ZNF469: variants seen among roughly 807,000 people sequenced by gnomAD.
ZNF469 encodes zinc finger protein 469.
Under a neutral mutation model 1.0 loss-of-function variants are expected in ZNF469, and 1 was observed. The ratio of observed to expected loss-of-function variants is 1.00; its 90% CI spans 0.35 to 4.73. ZNF469 has a LOEUF of 4.73. ZNF469 is among the 30% of genes most tolerant of loss of function. The pLI is 0.16. For synonymous variants in ZNF469, 2,703 were observed against 2,363.4 expected (o/e 1.14, Z -4.17); for missense variants, 6,100 against 5,356.3 (o/e 1.14, Z -4.33).
At chr16:88,225,581 G>A in the ZNF469 span, among the ~76,000 whole-genome samples, 1 of 139,718 alleles carries the variant, frequency 7.2e-6, no homozygotes, top group African/African-American at 2.5e-5. Context: ...CTCTGCCGCA[G>A]CCTGTGTCTG....
chr16:88,173,718 T>A, the ZNF469 span, among the ~76,000 whole-genome samples: 1 of 152,214 alleles, frequency 6.6e-6, no homozygotes, highest in African/African-American at 2.4e-5. Flanking sequence ...GGAATGGAAG[T>A]ACACCACTCA....
At chr16:88,419,897 A>G (rs1005165361) in intron 1 of ZNF469, among the ~76,000 whole-genome samples, 4 of 152,230 alleles carry the variant, frequency 2.6e-5, no homozygotes, top group African/African-American at 7.2e-5. Context: ...GGCTCACGCA[A>G]TGCCCTCCTC....
chr16:88,353,870 T>G, the ZNF469 span, among the ~76,000 whole-genome samples: 1 of 152,112 alleles, frequency 6.6e-6, no homozygotes, highest in Non-Finnish European at 1.5e-5. Context: ...TCCTGGAGCT[T>G]CCGGAGGGAG....
At chr16:88,228,412 G>A in the ZNF469 span, among the ~76,000 whole-genome samples, 42 of 152,362 alleles carry the variant, frequency 2.8e-4, 1 homozygote, top group South Asian at 6.0e-3. Context: ...CACCTGCCCC[G>A]CAGGACTACT....
rs273585618 is a variant in ZNF469 at position 88,430,169 on chromosome 16, C to T, written c.2699C>T (p.Pro900Leu). 889 of 1,548,864 alleles carry T rather than the reference C, an allele frequency of 5.7e-4. 4 individuals carry two copies. The highest frequency in any genetic ancestry group is 4.2e-4 in the South Asian group (35 of 84,032). The change falls in exon 3 of 3, where the codon CCG (proline) becomes CTG (leucine). Residue 900 changes from proline to leucine, a missense_variant. By Grantham distance (98) the Pro-to-Leu change is moderately conservative (BLOSUM62 -3). Coordinates refer to ENST00000565624, the MANE Select transcript of ZNF469 (RefSeq NM_001367624.2). ...GVTPESKAPPPLPAATPDPQT... is the reference protein window; with the variant it reads ...GVTPESKAPPLLPAATPDPQT... The stretch of plus-strand genomic sequence containing the variant: ...ACTCCAGAGAGCAAAGCTCCGCCCC[C>T]GCTCCCAGCAGCCACGCCGGACCCC...
the ZNF469 span, among the ~76,000 whole-genome samples, chr16:88,253,778 A>G: frequency 1.3e-5 from 2 of 152,150 alleles, no homozygotes. Flanking sequence ...ACCTCAAGCA[A>G]TCCTCCCACC....
At chr16:88,159,586 C>G in the ZNF469 span, among the ~76,000 whole-genome samples, 5 of 152,192 alleles carry the variant, frequency 3.3e-5, no homozygotes, top group African/African-American at 1.2e-4. Context: ...TCCCCGCATT[C>G]TCGTCTCTAA....
the ZNF469 span, among the ~76,000 whole-genome samples, chr16:88,339,008 C>T: frequency 3.0e-4 from 45 of 151,826 alleles, 1 homozygote; most frequent in Admixed American, 9.2e-4. Context: ...TGATAGTGTG[C>T]GTTCACTGCA....
the ZNF469 span, among the ~76,000 whole-genome samples, chr16:88,215,056 A>C: frequency 3.3e-3 from 497 of 152,186 alleles, 2 homozygotes; most frequent in African/African-American, 0.011. Flanking sequence ...ATAATCTTTA[A>C]TTCCATATTT....
At chr16:88,159,492 G>A in the ZNF469 span, among the ~76,000 whole-genome samples, 12 of 152,132 alleles carry the variant, frequency 7.9e-5, no homozygotes, top group African/African-American at 1.9e-4. Context: ...AGCGCTTCAG[G>A]GATCTGGGAA....
the ZNF469 span, among the ~76,000 whole-genome samples, chr16:88,333,274 C>A: frequency 6.6e-6 from 1 of 151,896 alleles, no homozygotes; most frequent in African/African-American, 2.4e-5. Flanking sequence ...AGGCTCCGGA[C>A]TTGCTGAGTC....
At chr16:88,143,464 C>T in the ZNF469 span, among the ~76,000 whole-genome samples, 3 of 152,108 alleles carry the variant, frequency 2.0e-5, no homozygotes, top group African/African-American at 7.2e-5. Context: ...TGCCCCCCCA[C>T]TCCTTCCCCC....
the ZNF469 span, among the ~76,000 whole-genome samples, chr16:88,259,786 G>C: frequency 6.6e-6 from 1 of 152,168 alleles, no homozygotes; most frequent in Non-Finnish European, 1.5e-5. The surrounding 1 kb of genome is among the most constrained non-coding windows in gnomAD (Gnocchi z 4.1). Flanking sequence ...CCTCCCTCCA[G>C]GGAGAGACCC....
the ZNF469 span, among the ~76,000 whole-genome samples, chr16:88,218,654 C>T: frequency 1.3e-5 from 2 of 149,570 alleles, no homozygotes; most frequent in African/African-American, 4.9e-5. Flanking sequence ...AACCCACAGC[C>T]AATATCATAC....
At chr16:88,190,754 T>C in the ZNF469 span, among the ~76,000 whole-genome samples, 256 of 152,254 alleles carry the variant, frequency 1.7e-3, 2 homozygotes, top group African/African-American at 6.0e-3. Context: ...GTATGTTGAG[T>C]AAACGGGAGT....
the ZNF469 span, among the ~76,000 whole-genome samples, chr16:88,368,708 G>A: frequency 1.3e-5 from 2 of 151,766 alleles, no homozygotes; most frequent in African/African-American, 2.4e-5. Context: ...CCAGAAGAAC[G>A]TGGTCTGGGA....
the ZNF469 span, among the ~76,000 whole-genome samples, chr16:88,356,372 T>A: frequency 6.6e-6 from 1 of 152,134 alleles, no homozygotes. Flanking sequence ...TCTGCCCCAG[T>A]ACACAGGGAG....
chr16:88,436,510 G>C lies in ZNF469; in HGVS notation c.9040G>C (p.Gly3014Arg). Residue 3014 changes from glycine to arginine, a missense_variant, in exon 3 of 3, where the codon GGA becomes CGA. Gly to Arg is a moderately radical substitution (Grantham distance 125, BLOSUM62 -2). Transcript: ENST00000565624. ...TGCCGATGACTCCTCCTCTTCTCTCGGAGATGTGAGCCCCGAGCCCCCCAG... is the reference window on the plus strand; with the variant it reads ...TGCCGATGACTCCTCCTCTTCTCTCCGAGATGTGAGCCCCGAGCCCCCCAG... ...APADDSSSSLGDVSPEPPSLE... is the reference protein window; with the variant it reads ...APADDSSSSLRDVSPEPPSLE... 2 of 1,548,638 alleles carry C rather than the reference G, an allele frequency of 1.3e-6. No individual in the cohort carries two copies.
the ZNF469 span, among the ~76,000 whole-genome samples, chr16:88,106,620 G>A: frequency 6.6e-6 from 1 of 152,256 alleles, no homozygotes; most frequent in African/African-American, 2.4e-5. Context: ...CCCACTGTCT[G>A]TGGTCTTGGC....
Sources: allele counts gnomAD v4.1 joint callset (sites outside exome capture counted in the v4.1 genomes callset), GRCh38; gene constraint gnomAD v4.1.1; non-coding constraint Gnocchi (gnomAD v3.1); transcripts MANE v1.5; gene names NCBI Gene and HGNC (gene_info 2026-07-23, HGNC 2026-07-21).